The following ARID1B variants were observed in gnomAD, a reference collection of about 807,000 sequenced individuals.
ARID1B encodes AT-rich interaction domain 1B.
A neutral mutation model predicts 212.3 loss-of-function variants in ARID1B; 30 were observed. The ratio of observed to expected loss-of-function variants is 0.14; its 90% CI spans 0.11 to 0.19. ARID1B has a LOEUF of 0.19. Among genes scored for constraint, ARID1B ranks in the 10% least tolerant of loss-of-function variants. ARID1B has a pLI of 1.00. For missense variants in ARID1B, 2,891 were observed against 3,204.0 expected (o/e 0.90, Z 2.36); for synonymous variants, 1,402 against 1,301.7 (o/e 1.08, Z -1.66).
chr6:157,048,909 C>T (rs930939604), intron 4 of ARID1B, among the ~76,000 whole-genome samples: 1 of 152,200 alleles, frequency 6.6e-6, no homozygotes, highest in Non-Finnish European at 1.5e-5. Flanking sequence ...CGCAGTGGCT[C>T]ACGCCTGTAA....
chr6:157,181,255 G>A (rs1792509513), intron 12 of ARID1B, 77 bp downstream of exon 12: 2 of 1,518,556 alleles, frequency 1.3e-6, no homozygotes, highest in African/African-American at 2.8e-5. Flanking sequence ...TTGAATGTGT[G>A]GACTCATTTT....
intron 1 of ARID1B, among the ~76,000 whole-genome samples, chr6:156,819,686 GT>G (rs1583099961): frequency 6.6e-6 from 1 of 152,134 alleles, no homozygotes. Flanking sequence ...CCGTACTCCT[GT>G]TTCTCTGGGA....
At chr6:156,792,658 C>G (rs1780089893) in intron 1 of ARID1B, among the ~76,000 whole-genome samples, 1 of 152,118 alleles carries the variant, frequency 6.6e-6, no homozygotes, top group African/African-American at 2.4e-5. Context: ...GGTACTCCAG[C>G]TAGTGTCTTA....
intron 3 of ARID1B, among the ~76,000 whole-genome samples, chr6:156,923,867 C>G (rs1036914213): frequency 5.9e-5 from 9 of 152,020 alleles, no homozygotes; most frequent in African/African-American, 2.2e-4. Flanking sequence ...GCCACCATGC[C>G]CAGCTAATTT....
At chr6:156,800,068 T>C (rs1780670606) in intron 1 of ARID1B, among the ~76,000 whole-genome samples, 1 of 152,204 alleles carries the variant, frequency 6.6e-6, no homozygotes, top group Non-Finnish European at 1.5e-5. Flanking sequence ...AGATTTGAAC[T>C]GAAGCGTATT....
rs10603394 is a variant in ARID1B, at chr6:157,202,825, CACAG to C, written c.5264-1037_5264-1034del. ...GGGGTTGCAGAGGGAGAGAAGGAGA[CACAG>C]ACACTGAGCACCATTTTATATATAG... On this transcript the variant is annotated intron_variant, in intron 18 of 19. Transcript: ENST00000636930. Among the ~76,000 whole-genome samples the C allele has an allele frequency of 8.9e-3, 1,351 of 151,092 alleles. 21 individuals carry two copies. Among genetic ancestry groups the C allele is most frequent in the African/African-American group, 0.031 (1,283 of 41,144 alleles).
intron 2 of ARID1B, among the ~76,000 whole-genome samples, chr6:156,872,801 ATGT>A (rs1226595564): frequency 6.7e-6 from 1 of 148,514 alleles, no homozygotes; most frequent in Non-Finnish European, 1.5e-5. Flanking sequence ...TGTGGAGTGG[ATGT>A]TGTTCGTGAG....
At chr6:156,953,789 G>T (rs763446298) in intron 4 of ARID1B, among the ~76,000 whole-genome samples, 1 of 152,178 alleles carries the variant, frequency 6.6e-6, no homozygotes, top group Non-Finnish European at 1.5e-5. Flanking sequence ...GACAGGGTGG[G>T]TAATGGCCTC....
At chr6:156,976,927 T>C in intron 4 of ARID1B, 1 of 555,468 alleles carries the variant, frequency 1.8e-6, no homozygotes, top group Non-Finnish European at 3.5e-6. Context: ...GATGTGCAAC[T>C]CAAAGATCTA....
chr6:156,957,553 G>A (rs1249749051), intron 4 of ARID1B, among the ~76,000 whole-genome samples: 1 of 152,174 alleles, frequency 6.6e-6, no homozygotes, highest in Non-Finnish European at 1.5e-5. Context: ...CTTTCTCATA[G>A]CCCAGGTGGC....
At chr6:157,165,318 C>T (rs532143404) in intron 8 of ARID1B, among the ~76,000 whole-genome samples, 2 of 152,282 alleles carry the variant, frequency 1.3e-5, no homozygotes, top group Middle Eastern at 3.4e-3. Flanking sequence ...AAGTAATGCC[C>T]ATTTCTCCCT....
chr6:156,777,983 C>A lies in ARID1B; in HGVS notation c.303C>A (p.Ser101Arg). 3 of 1,530,944 alleles carry A rather than the reference C, an allele frequency of 2.0e-6. No homozygotes were observed. The highest frequency in any genetic ancestry group is 2.6e-6 in the Non-Finnish European group (3 of 1,144,704). 94.8% of individuals were successfully genotyped at this position (1,530,944 alleles called of 1,614,324 possible). A position where few individuals can be genotyped will look rare whatever the true frequency, so the allele number is the denominator to read the frequency against. The change falls in exon 1 of 20, where the codon AGC becomes AGA. Residue 101 changes from serine to arginine, a missense_variant. Around this residue, in one of 7 missense-constraint regions of ARID1B, gnomAD observed 1,643 missense variants for 1,544.0 expected, o/e 1.06. Transcript: ENST00000636930. ...AAAAGTHSAK[S>R]GGSEAALKEG... ...CCGCCGGCACCCACAGCGCCAAGAG[C>A]GGCGGCTCCGAGGCGGCTCTCAAGG...
chr6:157,046,050 A>G (rs1235717286), intron 4 of ARID1B, among the ~76,000 whole-genome samples: 1 of 152,172 alleles, frequency 6.6e-6, no homozygotes, highest in Non-Finnish European at 1.5e-5. Flanking sequence ...ATCTGCTGGT[A>G]GTTCAGACAG....
At chr6:157,039,875 TC>T (rs1562570044) in intron 4 of ARID1B, among the ~76,000 whole-genome samples, 1 of 106,452 alleles carries the variant, frequency 9.4e-6, no homozygotes, top group Non-Finnish European at 1.9e-5. Flanking sequence ...TCTTTCTCTT[TC>T]TTTTCTCTTC....
At chr6:156,919,813 A>G (rs1258537408) in intron 3 of ARID1B, among the ~76,000 whole-genome samples, 1 of 152,248 alleles carries the variant, frequency 6.6e-6, no homozygotes, top group Non-Finnish European at 1.5e-5. Flanking sequence ...CCTGGGTCAC[A>G]GAGTGAGACC....
At chr6:156,931,147 GC>G (rs200540910) in intron 3 of ARID1B, among the ~76,000 whole-genome samples, 7,558 of 135,162 alleles carry the variant, frequency 0.056, 252 homozygotes, top group Non-Finnish European at 0.077. Flanking sequence ...CCGAGATTGC[GC>G]CCACTGCACT....
chr6:156,917,746 G>T (rs1019941624), intron 3 of ARID1B, among the ~76,000 whole-genome samples: 4 of 152,044 alleles, frequency 2.6e-5, no homozygotes, highest in African/African-American at 9.7e-5. Flanking sequence ...ATGAAATGAG[G>T]TTATTTATTG....
chr6:157,038,067 A>G (rs1196310100), intron 4 of ARID1B, among the ~76,000 whole-genome samples: 1 of 152,196 alleles, frequency 6.6e-6, no homozygotes, highest in African/African-American at 2.4e-5. Context: ...ATTTTGAGTA[A>G]ATTGGGAGGC....
chr6:157,157,129 T>C lies in ARID1B; in HGVS notation c.3089+8178T>C, dbSNP rs1473438326. On this transcript the variant is annotated intron_variant, in intron 8 of 19. Transcript: ENST00000636930. Reference sequence around the variant, plus strand: ...ATTCGGATATTCCCCTCTCCGGGTCTGGGTCTGGCCCTCTCACAGCTGGTG... The same window carrying C: ...ATTCGGATATTCCCCTCTCCGGGTCCGGGTCTGGCCCTCTCACAGCTGGTG... 2.0e-5 allele frequency among the ~76,000 whole-genome samples: 3 copies of C among 152,294 alleles called. No individual in the cohort carries two copies. In the East Asian group the frequency reaches 5.8e-4, roughly 29 times the overall value.
Sources: gnomAD v4.1 joint callset for allele counts (sites outside exome capture counted in the v4.1 genomes callset) on GRCh38, gnomAD v4.1.1 for gene constraint, gnomAD v4.1.1 regional missense constraint, MANE v1.5 for transcripts, NCBI Gene and HGNC (gene_info 2026-07-23, HGNC 2026-07-21) for gene names.